CEP78: variants seen among roughly 807,000 people sequenced by gnomAD.
CEP78 encodes centrosomal protein 78, also known as centrosomal protein of 78 kDa.
A neutral mutation model predicts 81.2 loss-of-function variants in CEP78; 76 were observed. The ratio of observed to expected loss-of-function variants is 0.94; its 90% CI spans 0.78 to 1.13. CEP78 has a LOEUF of 1.13. Among genes scored for constraint, CEP78 ranks in the 50% most tolerant of loss-of-function variants. The probability of loss-of-function intolerance (pLI) is 0.00; values close to 1 mark genes in which losing one functional copy is unlikely to be tolerated. For synonymous variants in CEP78, 293 were observed against 301.4 expected (o/e 0.97, Z 0.29); for missense variants, 918 against 846.8 (o/e 1.08, Z -1.04).
chr9:78,266,727 G>T, intron 16 of CEP78, 24 bp downstream of exon 16: 1 of 1,610,966 alleles, frequency 6.2e-7, no homozygotes, highest in East Asian at 2.2e-5. Context: ...AAAACACTCT[G>T]ATAAGCAACA....
rs566324664 is a variant in CEP78, at chr9:78,260,860, G to C, written c.1381-2047G>C. Among the ~76,000 whole-genome samples the C allele has an allele frequency of 4.6e-5, 7 of 152,172 alleles. No individual in the cohort carries two copies. In the South Asian group the frequency reaches 1.5e-3, roughly 32 times the overall value. On this transcript the variant is annotated intron_variant, in intron 11 of 16. Coordinates refer to ENST00000643273, the MANE Select transcript of CEP78 (RefSeq NM_001330691.3). ...CCAGCATATACCCAAATCCATGCAG[G>C]CATGCTCAGGCCCCACAGTTGACCT...
At chr9:78,253,390 A>G in intron 10 of CEP78, 113 bp downstream of exon 10, 1 of 681,010 alleles carries the variant, frequency 1.5e-6, no homozygotes, top group Non-Finnish European at 2.6e-6. Context: ...CCCTCCCTGA[A>G]GTAAATTCTT....
chr9:78,270,070 A>G (rs968202982), intron 16 of CEP78, among the ~76,000 whole-genome samples: 1 of 152,252 alleles, frequency 6.6e-6, no homozygotes, highest in African/African-American at 2.4e-5. Flanking sequence ...GGATTAGAAA[A>G]TAAAATCAGG....
At chr9:78,270,128 G>T (rs1252612833) in intron 16 of CEP78, among the ~76,000 whole-genome samples, 1 of 152,158 alleles carries the variant, frequency 6.6e-6, no homozygotes, top group Non-Finnish European at 1.5e-5. Flanking sequence ...AGAGTTGGGG[G>T]ATCCTGGGAA....
intron 5 of CEP78, among the ~76,000 whole-genome samples, chr9:78,243,969 C>A (rs538929799): frequency 1.3e-5 from 2 of 151,630 alleles, no homozygotes. Context: ...ATTTTGTAAC[C>A]CTGCTTTTTT....
chr9:78,268,907 T>C (rs530463964), intron 16 of CEP78, among the ~76,000 whole-genome samples: 17 of 152,020 alleles, frequency 1.1e-4, no homozygotes, highest in Non-Finnish European at 2.1e-4. Flanking sequence ...CCACCCACCT[T>C]GGCCTCCCAA....
intron 11 of CEP78, among the ~76,000 whole-genome samples, chr9:78,260,322 T>C (rs190809218): frequency 1.5e-3 from 232 of 151,648 alleles, no homozygotes; most frequent in African/African-American, 5.0e-3. Flanking sequence ...TCTTATAATG[T>C]TGAAAGTTGG....
intron 1 of CEP78, among the ~76,000 whole-genome samples, chr9:78,239,703 G>A (rs549728454): frequency 5.3e-5 from 8 of 152,304 alleles, no homozygotes; most frequent in African/African-American, 1.7e-4. Context: ...CCCGGCAGGT[G>A]TCAGGCTTAG....
Position 78,276,306 on chromosome 9 carries a change from A to G in CEP78, c.*5455A>G, listed in dbSNP as rs1047415454. On this transcript the variant is annotated 3_prime_UTR_variant, in exon 17 of 17. Coordinates refer to ENST00000643273, the MANE Select transcript of CEP78 (RefSeq NM_001330691.3). ...GCTGAAAGAGTATGTGATAAATTCAACATCCTCTGGTATTCTTAACAATCT... is the reference window on the plus strand; with the variant it reads ...GCTGAAAGAGTATGTGATAAATTCAGCATCCTCTGGTATTCTTAACAATCT... 2 of 152,222 alleles carry G rather than the reference A, an allele frequency of 1.3e-5. No homozygotes were observed. Among genetic ancestry groups the G allele is most frequent in the Admixed American group, 6.5e-5 (1 of 15,268 alleles). The allele number at this position is 152,222 out of a possible 1,614,324, so 9.4% of individuals were successfully genotyped here.
chr9:78,263,092 G>C (rs117549840), intron 12 of CEP78, 108 bp downstream of exon 12: 16,823 of 521,536 alleles, frequency 0.032, 568 homozygotes, highest in Admixed American at 0.15. Context: ...AAAATATAGT[G>C]TATTGCAAAT....
chr9:78,253,429 A>G, intron 10 of CEP78, 152 bp downstream of exon 10: 1 of 617,730 alleles, frequency 1.6e-6, no homozygotes, highest in South Asian at 1.9e-5. Context: ...TCCCGGTGCC[A>G]CAGTATAGGC....
chr9:78,254,644 A>G, intron 10 of CEP78, 192 bp from the exon 11 acceptor site: 1 of 287,810 alleles, frequency 3.5e-6, no homozygotes, highest in East Asian at 6.4e-5. Context: ...TATATGAGAG[A>G]ATTATTTCAG....
chr9:78,263,880 A>G (rs751395361), intron 12 of CEP78, among the ~76,000 whole-genome samples: 3 of 152,186 alleles, frequency 2.0e-5, no homozygotes, highest in Non-Finnish European at 4.4e-5. Context: ...TTTTAAATAT[A>G]GAATGATCCA....
chr9:78,273,500 G>C lies in CEP78; in HGVS notation c.*2649G>C, dbSNP rs766004368. 8.6e-5 allele frequency: 13 copies of C among 151,832 alleles called. No homozygotes were observed. Among genetic ancestry groups the C allele is most frequent in the Non-Finnish European group, 1.6e-4 (11 of 68,012 alleles). 9.4% of individuals were successfully genotyped at this position (151,832 alleles called of 1,614,324 possible). ...TGTAATCCTAGCACTTTGGGAGGCC[G>C]AGGTGGGTGGATCACCTGAGGTCAG... On this transcript the variant is annotated 3_prime_UTR_variant, in exon 17 of 17. Transcript: ENST00000643273.
At chr9:78,246,599 C>T in intron 5 of CEP78, 70 bp from the exon 6 acceptor site, 1 of 1,015,638 alleles carries the variant, frequency 9.8e-7, no homozygotes, top group Non-Finnish European at 1.5e-6. Context: ...GACTCCGTCT[C>T]AAAAAAACAA....
rs935104556 is a variant in CEP78, at chr9:78,277,845, A to G, written c.*6994A>G. ...ATGTACAGAAATGCAGAAATTGTTG[A>G]ATTAGTACATACCAATTTCTGACAT... is the stretch of plus-strand genomic sequence containing the variant. On this transcript the variant is annotated 3_prime_UTR_variant, in exon 17 of 17. Transcript: ENST00000643273. 1 of 152,264 alleles carries G rather than the reference A, an allele frequency of 6.6e-6. No individual in the cohort carries two copies. Among genetic ancestry groups the G allele is most frequent in the South Asian group, 2.1e-4 (1 of 4,834 alleles). 9.4% of individuals were successfully genotyped at this position (152,264 alleles called of 1,614,324 possible). A position where few individuals can be genotyped will look rare whatever the true frequency, so the allele number is the denominator to read the frequency against.
chr9:78,268,606 C>T (rs1248698125), intron 16 of CEP78, among the ~76,000 whole-genome samples: 5 of 151,954 alleles, frequency 3.3e-5, no homozygotes, highest in South Asian at 4.2e-4. Context: ...CTCCCAATTC[C>T]TCTCCTACTG....
chr9:78,251,208 A>G (rs866628494), intron 8 of CEP78, among the ~76,000 whole-genome samples: 5 of 152,164 alleles, frequency 3.3e-5, no homozygotes, highest in East Asian at 3.9e-4. Flanking sequence ...ACTTCGTTCT[A>G]TTATCCAGTA....
intron 16 of CEP78, 75 bp downstream of exon 16, chr9:78,266,778 A>T (rs766282560): frequency 6.4e-7 from 1 of 1,559,248 alleles, no homozygotes; most frequent in Admixed American, 2.0e-5. Flanking sequence ...CTGTCCTGAA[A>T]ACCAGAAAAG....
Sources: allele counts gnomAD v4.1 joint callset (sites outside exome capture counted in the v4.1 genomes callset), GRCh38; gene constraint gnomAD v4.1.1; transcripts MANE v1.5; gene names NCBI Gene and HGNC (gene_info 2026-07-23, HGNC 2026-07-21).